CNRIP1: variants seen among roughly 807,000 people sequenced by gnomAD.
CNRIP1 encodes CB1 cannabinoid receptor-interacting protein 1.
Under a neutral mutation model 15.2 loss-of-function variants are expected in CNRIP1, and 10 were observed. The ratio of observed to expected loss-of-function variants is 0.66; its 90% CI spans 0.41 to 1.12. The LOEUF is 1.12. CNRIP1 is among the 50% of genes most tolerant of loss of function. CNRIP1 has a pLI of 0.00. For synonymous variants in CNRIP1, 91 were observed against 83.2 expected (o/e 1.09, Z -0.51); for missense variants, 211 against 214.7 (o/e 0.98, Z 0.11).
rs1293096151 is a variant in CNRIP1, at chr2:68,293,888, A to T, written c.469T>A (p.Trp157Arg). The T allele has an allele frequency of 6.2e-7, 1 of 1,613,902 alleles. No individual in the cohort carries two copies. Among genetic ancestry groups the T allele is most frequent in the African/African-American group, 1.3e-5 (1 of 74,888 alleles). ...CKPNETRSLM[W>R]VNKESFL ...CAGAGGAAGGACTCCTTGTTCACCC[A>T]CATCAGACTGCGTGTCTCGTTGGGC... Residue 157 changes from tryptophan to arginine, a missense_variant, in exon 3 of 3, where the codon TGG (tryptophan) becomes AGG (arginine). Physicochemically the swap from Trp to Arg is moderately radical, Grantham distance 101 (BLOSUM62 -3). Coordinates refer to ENST00000263655, the MANE Select transcript of CNRIP1 (RefSeq NM_015463.3).
chr2:68,289,824 T>A (rs1671119039), downstream of CNRIP1, among the ~76,000 whole-genome samples: 1 of 152,102 alleles, frequency 6.6e-6, no homozygotes, highest in South Asian at 2.1e-4. Context: ...TGATATTATG[T>A]GCCAGGAACT....
At chr2:68,312,093 GAAGA>G (rs1224442283) in intron 2 of CNRIP1, among the ~76,000 whole-genome samples, 1 of 151,942 alleles carries the variant, frequency 6.6e-6, no homozygotes, top group African/African-American at 2.4e-5. Flanking sequence ...CCAGAAAATA[GAAGA>G]ATGAACACTT....
chr2:68,300,989 A>G (rs1205854846), intron 2 of CNRIP1, among the ~76,000 whole-genome samples: 2 of 152,224 alleles, frequency 1.3e-5, no homozygotes, highest in Non-Finnish European at 2.9e-5. Context: ...AAGGGGAAAA[A>G]GCCACCAATT....
intron 2 of CNRIP1, chr2:68,316,947 T>C (rs1672292994): frequency 7.6e-6 from 5 of 655,292 alleles, no homozygotes; most frequent in South Asian, 5.5e-5. Context: ...ATGGTGTCTT[T>C]TCAGCATCTA....
At chr2:68,301,279 AG>A (rs1432467733) in intron 2 of CNRIP1, among the ~76,000 whole-genome samples, 1 of 152,266 alleles carries the variant, frequency 6.6e-6, no homozygotes. Flanking sequence ...AACAGAATAA[AG>A]GAGAAAAACC....
chr2:68,313,872 C>G (rs1170343477), intron 2 of CNRIP1, among the ~76,000 whole-genome samples: 1 of 152,136 alleles, frequency 6.6e-6, no homozygotes, highest in Admixed American at 6.6e-5. Context: ...CCAACCCCTA[C>G]TTACCTCTCT....
chr2:68,290,601 C>G (rs115488462), downstream of CNRIP1, among the ~76,000 whole-genome samples: 862 of 152,274 alleles, frequency 5.7e-3, 6 homozygotes, highest in African/African-American at 0.02. Context: ...TACAAATTGT[C>G]TTCTTCCCTT....
downstream of CNRIP1, among the ~76,000 whole-genome samples, chr2:68,292,233 A>G (rs979776624): frequency 6.6e-6 from 1 of 152,150 alleles, no homozygotes; most frequent in African/African-American, 2.4e-5. Context: ...TTAAAAAAAA[A>G]CAAAAAAACA....
At chr2:68,313,505 C>T (rs1274515680) in intron 2 of CNRIP1, among the ~76,000 whole-genome samples, 1 of 151,954 alleles carries the variant, frequency 6.6e-6, no homozygotes, top group Non-Finnish European at 1.5e-5. Flanking sequence ...TAAAATGAAC[C>T]AACTACTGAT....
intron 1 of CNRIP1, 105 bp from the exon 2 acceptor site, chr2:68,317,412 G>T (rs578048954): frequency 1.7e-5 from 21 of 1,237,240 alleles, no homozygotes; most frequent in South Asian, 2.7e-5. Flanking sequence ...TTTCACTAAG[G>T]GGGGCATTGT....
chr2:68,319,428 T>C lies in CNRIP1; in HGVS notation c.-28A>G, dbSNP rs770633598. 4 of 1,505,252 alleles carry C rather than the reference T, an allele frequency of 2.7e-6. No individual in the cohort carries two copies. The highest frequency in any genetic ancestry group is 3.5e-6 in the Non-Finnish European group (4 of 1,128,360). 93.2% of individuals were successfully genotyped at this position (1,505,252 alleles called of 1,614,324 possible). Reference sequence around the variant, plus strand: ...CTGGGCGAGGGTCTGGCGCGGCGGCTCCGGGGGGCGGAGGACAGCGCCGGC... The same window carrying C: ...CTGGGCGAGGGTCTGGCGCGGCGGCCCCGGGGGGCGGAGGACAGCGCCGGC... On this transcript the variant is annotated 5_prime_UTR_variant, in exon 1 of 3. Coordinates refer to ENST00000263655, the MANE Select transcript of CNRIP1 (RefSeq NM_015463.3).
downstream of CNRIP1, among the ~76,000 whole-genome samples, chr2:68,291,541 T>C (rs1671168525): frequency 6.6e-6 from 1 of 151,924 alleles, no homozygotes; most frequent in African/African-American, 2.4e-5. Context: ...CAAGTCTGCT[T>C]TGACTCATTT....
chr2:68,285,175 A>T (rs927886540), intron 2 of CNRIP1, among the ~76,000 whole-genome samples: 16 of 152,070 alleles, frequency 1.1e-4, no homozygotes, highest in Non-Finnish European at 1.8e-4. Flanking sequence ...AGGGAGTGGG[A>T]TCCCTTCCAG....
At chr2:68,284,570 G>T in intron 2 of CNRIP1, 2 of 794,860 alleles carry the variant, frequency 2.5e-6, no homozygotes, top group Non-Finnish European at 3.9e-6. Flanking sequence ...CCAGCACTTT[G>T]GGAGGCCAAG....
chr2:68,307,961 G>A (rs1187929070), intron 2 of CNRIP1, among the ~76,000 whole-genome samples: 1 of 152,164 alleles, frequency 6.6e-6, no homozygotes, highest in Admixed American at 6.5e-5. Flanking sequence ...GGGAGGCTGA[G>A]GTGAGAGGAT....
At position 68,319,358 on chromosome 2, in the gene CNRIP1, G is replaced by T. The variant is rs766754594; in HGVS notation, c.43C>A (p.Arg15Ser). Residue 15 changes from arginine (R) to serine (S), a missense_variant, in exon 1 of 3, where the codon CGC (arginine) becomes AGC (serine). Coordinates refer to ENST00000263655, the MANE Select transcript of CNRIP1 (RefSeq NM_015463.3). ...ACCGGGCCGTCATTAGGCTGGATGC[G>T]CAGCGCGATGGAGAGGCGCACGAGG... ...PGLVRLSIAL[R>S]IQPNDGPVFY... 35 of 1,584,558 alleles carry T rather than the reference G, an allele frequency of 2.2e-5. No homozygotes were observed. The highest frequency in any genetic ancestry group is 2.8e-5 in the Non-Finnish European group (33 of 1,166,462).
downstream of CNRIP1, among the ~76,000 whole-genome samples, chr2:68,291,086 G>A (rs1198006266): frequency 6.6e-6 from 1 of 152,208 alleles, no homozygotes; most frequent in Non-Finnish European, 1.5e-5. Flanking sequence ...AGAGCTATGT[G>A]AGAAGTAGCC....
intron 2 of CNRIP1, chr2:68,316,223 A>C (rs534422504): frequency 6.6e-6 from 1 of 152,184 alleles, no homozygotes; most frequent in East Asian, 1.9e-4. Context: ...GCTTGCTAAG[A>C]GTTTCTCTGT....
At position 68,319,239 on chromosome 2, in the gene CNRIP1, G is replaced by A. The variant is rs1672397747; in HGVS notation, c.162C>T (p.Pro54=). 2 of 1,548,664 alleles carry A rather than the reference G, an allele frequency of 1.3e-6. No homozygotes were observed. Among genetic ancestry groups the A allele is most frequent in the East Asian group, 4.9e-5 (2 of 40,794 alleles). Residue 54 remains proline (P), a synonymous_variant, in exon 1 of 3, where the codon CCC becomes CCT. Transcript: ENST00000263655. ...SSYKVEVKIK[P]STLQVENISI... is the part of the protein sequence containing the mutation. ...GCACTCACTCGACCTGCAGCGTGCT[G>A]GGTTTAATCTTCACCTCAACCTTGT...
Sources: gnomAD v4.1 joint callset for allele counts (sites outside exome capture counted in the v4.1 genomes callset) on GRCh38, gnomAD v4.1.1 for gene constraint, MANE v1.5 for transcripts, NCBI Gene and HGNC (gene_info 2026-07-23, HGNC 2026-07-21) for gene names.